SLC24A2: variants seen among roughly 807,000 people sequenced by gnomAD.
SLC24A2 encodes the protein solute carrier family 24 member 2.
A neutral mutation model predicts 62.0 loss-of-function variants in SLC24A2; 36 were observed. The observed-to-expected ratio is 0.58, with a 90% CI of 0.44 to 0.77. The LOEUF is 0.77. Among genes scored for constraint, SLC24A2 ranks in the 30% least tolerant of loss-of-function variants. The probability of loss-of-function intolerance (pLI) is 0.00; values close to 1 mark genes in which losing one functional copy is unlikely to be tolerated. For synonymous variants in SLC24A2, 358 were observed against 294.0 expected (o/e 1.22, Z -2.23); for missense variants, 846 against 817.9 (o/e 1.03, Z -0.42).
chr9:19,672,513 AT>A lies in SLC24A2; in HGVS notation c.931-50215del, dbSNP rs1387243020. Among the ~76,000 whole-genome samples, 5 of 144,474 alleles carry A rather than the reference AT, an allele frequency of 3.5e-5. No individual in the cohort carries two copies. The South Asian group carries it at 6.5e-4, about 19-fold the overall frequency. 94.8% of individuals were successfully genotyped at this position (144,474 alleles called of 152,430 possible). ...GGTTTTAGTTTCATTTATCTTTTGT[AT>A]TTTCTTTGTTTCAATTTTATTTAGT... On this transcript the variant is annotated intron_variant, in intron 2 of 10. Coordinates refer to ENST00000341998, the MANE Select transcript of SLC24A2 (RefSeq NM_020344.4).
the SLC24A2 span, among the ~76,000 whole-genome samples, chr9:20,099,859 C>G: frequency 6.6e-6 from 1 of 152,082 alleles, no homozygotes; most frequent in Non-Finnish European, 1.5e-5. Context: ...CAGCCCCCTT[C>G]TACTGAAATA....
chr9:19,831,151 T>C, the SLC24A2 span, among the ~76,000 whole-genome samples: 464 of 152,354 alleles, frequency 3.0e-3, 1 homozygote, highest in African/African-American at 0.011. Flanking sequence ...GCCACATCTC[T>C]TGATACTATT....
At chr9:20,157,283 A>T in the SLC24A2 span, among the ~76,000 whole-genome samples, 4 of 151,536 alleles carry the variant, frequency 2.6e-5, no homozygotes, top group Non-Finnish European at 5.9e-5. Flanking sequence ...CATGACCCAC[A>T]TATTTAGCAT....
At chr9:20,276,593 C>G in the SLC24A2 span, among the ~76,000 whole-genome samples, 1 of 152,222 alleles carries the variant, frequency 6.6e-6, no homozygotes, top group Admixed American at 6.5e-5. Context: ...TCTCACTGCT[C>G]CACTGGGGAG....
chr9:19,706,162 G>T (rs1224561862), intron 2 of SLC24A2, among the ~76,000 whole-genome samples: 1 of 151,366 alleles, frequency 6.6e-6, no homozygotes, highest in Non-Finnish European at 1.5e-5. Flanking sequence ...TCTTCTTGTT[G>T]AATTGATCCC....
the SLC24A2 span, among the ~76,000 whole-genome samples, chr9:19,831,233 G>C: frequency 6.6e-6 from 1 of 152,180 alleles, no homozygotes; most frequent in Non-Finnish European, 1.5e-5. Context: ...CTGACTGTAA[G>C]AAATTCTGGT....
chr9:20,219,120 C>T, the SLC24A2 span, among the ~76,000 whole-genome samples: 1 of 152,146 alleles, frequency 6.6e-6, no homozygotes, highest in Non-Finnish European at 1.5e-5. Flanking sequence ...TTGAGTTACT[C>T]AATGGAGTTG....
intron 2 of SLC24A2, among the ~76,000 whole-genome samples, chr9:19,669,533 C>T (rs1440489134): frequency 2.0e-5 from 3 of 152,244 alleles, no homozygotes; most frequent in African/African-American, 7.2e-5. Flanking sequence ...AGGTCAGAAT[C>T]TTACATGGAT....
chr9:20,177,928 G>C, the SLC24A2 span, among the ~76,000 whole-genome samples: 1 of 152,080 alleles, frequency 6.6e-6, no homozygotes, highest in Non-Finnish European at 1.5e-5. Flanking sequence ...AGTAAGTGGA[G>C]AGCCAAGATT....
At chr9:20,008,792 C>G in the SLC24A2 span, among the ~76,000 whole-genome samples, 1 of 152,148 alleles carries the variant, frequency 6.6e-6, no homozygotes, top group Non-Finnish European at 1.5e-5. Context: ...ATCCTCTACT[C>G]TACCCCACTG....
At chr9:19,907,242 T>C in the SLC24A2 span, among the ~76,000 whole-genome samples, 1 of 152,178 alleles carries the variant, frequency 6.6e-6, no homozygotes, top group Admixed American at 6.5e-5. Flanking sequence ...ATTATCTCAA[T>C]AGATGTAGAA....
chr9:19,827,494 A>T, the SLC24A2 span, among the ~76,000 whole-genome samples: 1 of 152,112 alleles, frequency 6.6e-6, no homozygotes, highest in Non-Finnish European at 1.5e-5. Flanking sequence ...GTGGTAATTT[A>T]AAAATGTATA....
At chr9:20,090,911 T>C in the SLC24A2 span, among the ~76,000 whole-genome samples, 435 of 152,166 alleles carry the variant, frequency 2.9e-3, 1 homozygote, top group African/African-American at 9.8e-3. Context: ...TGAAGATCAT[T>C]GAGATTCAGG....
At chr9:19,704,318 G>C (rs1820443106) in intron 2 of SLC24A2, among the ~76,000 whole-genome samples, 1 of 152,108 alleles carries the variant, frequency 6.6e-6, no homozygotes, top group Non-Finnish European at 1.5e-5. Context: ...TTCATAATTA[G>C]TTCCATATGA....
At chr9:19,717,107 C>T (rs901045672) in intron 2 of SLC24A2, among the ~76,000 whole-genome samples, 3 of 152,060 alleles carry the variant, frequency 2.0e-5, no homozygotes, top group East Asian at 1.9e-4. Context: ...GAGTTCTTCC[C>T]GACATATGAG....
chr9:20,112,900 C>G, the SLC24A2 span, among the ~76,000 whole-genome samples: 28 of 152,008 alleles, frequency 1.8e-4, no homozygotes, highest in African/African-American at 6.8e-4. Context: ...AGTTAGGTCT[C>G]CCATCTCTGA....
intron 2 of SLC24A2, among the ~76,000 whole-genome samples, chr9:19,622,646 T>C (rs1817936163): frequency 6.6e-6 from 1 of 152,136 alleles, no homozygotes; most frequent in Non-Finnish European, 1.5e-5. Context: ...ACATGGAAAA[T>C]ATCTATTGAT....
chr9:19,795,744 A>G, the SLC24A2 span, among the ~76,000 whole-genome samples: 1 of 151,998 alleles, frequency 6.6e-6, no homozygotes, highest in East Asian at 1.9e-4. Context: ...ATCTCACCAT[A>G]TTCCCTCTTC....
the SLC24A2 span, among the ~76,000 whole-genome samples, chr9:19,921,518 TAAAA>T: frequency 8.1e-6 from 1 of 123,206 alleles, no homozygotes; most frequent in Non-Finnish European, 1.6e-5. Context: ...AGACTCCGTG[TAAAA>T]AAAAAAAAAA....
Sources: allele counts gnomAD v4.1 joint callset (sites outside exome capture counted in the v4.1 genomes callset), GRCh38; gene constraint gnomAD v4.1.1; transcripts MANE v1.5; gene names NCBI Gene and HGNC (gene_info 2026-07-23, HGNC 2026-07-21).